The following TICRR variants were observed in gnomAD, a reference collection of about 807,000 sequenced individuals.
TICRR encodes the protein TOPBP1 interacting checkpoint and replication regulator.
TICRR carries 132 observed loss-of-function variants against 178.1 expected under a neutral mutation model. That is an observed-to-expected ratio of 0.74 (90% CI 0.64 to 0.86). The LOEUF is 0.86. Ranked by LOEUF, TICRR falls within the 40% of genes least tolerant of loss-of-function variation. The probability of loss-of-function intolerance (pLI) is 0.00; values close to 1 mark genes in which losing one functional copy is unlikely to be tolerated. For synonymous variants in TICRR, 991 were observed against 900.7 expected (o/e 1.10, Z -1.79); for missense variants, 2,587 against 2,334.3 (o/e 1.11, Z -2.23).
chr15:89,611,723 C>A (rs7172694), intron 15 of TICRR, among the ~76,000 whole-genome samples: 123,781 of 151,892 alleles, frequency 0.81, 51,376 homozygotes, highest in Non-Finnish European at 0.91. Context: ...CTTATCTTCA[C>A]GTTCACTGAT....
Position 89,624,218 on chromosome 15 carries a change from C to T in TICRR, c.3908C>T (p.Ser1303Phe), listed in dbSNP as rs746043101. ...CCAGGGAATTCAACTGTGACTTCTT[C>T]CCCACCTGTTACGCCAAAGAAACTG... ...KRPGNSTVTS[S>F]PPVTPKKLFT... The change falls in exon 20 of 22, where the codon TCC (serine) becomes TTC (phenylalanine). Residue 1303 changes from serine to phenylalanine, a missense_variant. Transcript: ENST00000268138. The T allele has an allele frequency of 6.2e-7, 1 of 1,614,184 alleles. No individual in the cohort carries two copies. The highest frequency in any genetic ancestry group is 1.1e-5 in the South Asian group (1 of 91,086).
intron 17 of TICRR, 132 bp downstream of exon 17, chr15:89,618,342 C>A (rs1963368689): frequency 3.8e-6 from 3 of 787,524 alleles, no homozygotes; most frequent in Middle Eastern, 2.4e-4. Flanking sequence ...CACAATGCAG[C>A]TCAGTAAATA....
intron 15 of TICRR, among the ~76,000 whole-genome samples, chr15:89,612,804 GAT>G (rs1963274707): frequency 6.6e-6 from 1 of 152,064 alleles, no homozygotes; most frequent in South Asian, 2.1e-4. Context: ...AGTTCTCATT[GAT>G]ACCAATTTAA....
intron 1 of TICRR, among the ~76,000 whole-genome samples, chr15:89,580,818 A>G (rs976194327): frequency 6.6e-6 from 1 of 152,144 alleles, no homozygotes; most frequent in African/African-American, 2.4e-5. Flanking sequence ...GATCTCTTGC[A>G]CCCAGGAGTT....
intron 15 of TICRR, among the ~76,000 whole-genome samples, chr15:89,611,536 A>G (rs1030537855): frequency 6.6e-6 from 1 of 152,102 alleles, no homozygotes; most frequent in East Asian, 1.9e-4. Context: ...GATTTTTGGA[A>G]GGTTTTAACC....
intron 8 of TICRR, among the ~76,000 whole-genome samples, chr15:89,599,870 G>T (rs1398589991): frequency 1.3e-5 from 2 of 152,170 alleles, no homozygotes; most frequent in Non-Finnish European, 2.9e-5. Flanking sequence ...CACTTTGGGA[G>T]GCCAGGGTGG....
intron 19 of TICRR, among the ~76,000 whole-genome samples, chr15:89,622,469 C>T (rs902368200): frequency 6.6e-6 from 1 of 152,216 alleles, no homozygotes; most frequent in Non-Finnish European, 1.5e-5. Flanking sequence ...TTGCTTAAAG[C>T]TCTATAGACT....
chr15:89,610,507 C>A (rs1241497034), intron 15 of TICRR, among the ~76,000 whole-genome samples: 2 of 152,170 alleles, frequency 1.3e-5, no homozygotes. Flanking sequence ...TTTTGTCTGA[C>A]AATAATACAG....
Position 89,608,827 on chromosome 15 carries a change from T to A in TICRR, c.2747T>A (p.Leu916His). 6.2e-7 allele frequency: 1 copy of A among 1,602,082 alleles called. No individual in the cohort carries two copies. ...VQEVTKVRRNLFNQELLSPSK... is the reference protein window; with the variant it reads ...VQEVTKVRRNHFNQELLSPSK... ...GAAGTGACCAAAGTTCGAAGAAATC[T>A]TTTCAACCAGGAATTGCTTTCCCCT... The change falls in exon 15 of 22, where the codon CTT becomes CAT. Residue 916 changes from leucine to histidine, a missense_variant. Transcript: ENST00000268138.
In TICRR at chr15:89,577,783, G is replaced by C. The variant is rs1023439020; in HGVS notation, c.654+1543G>C. On this transcript the variant is annotated intron_variant, in intron 1 of 21. Coordinates refer to ENST00000268138, the MANE Select transcript of TICRR (RefSeq NM_152259.4). ...GCCACCAGGCCTGGCTAATTTTTTT[G>C]TATTTTTAGTAGAGACGGAGTTTCA... Among the ~76,000 whole-genome samples, 4 of 151,486 alleles carry C rather than the reference G, an allele frequency of 2.6e-5. No homozygotes were observed. In the South Asian group the frequency reaches 8.4e-4, roughly 32 times the overall value.
intron 17 of TICRR, among the ~76,000 whole-genome samples, chr15:89,619,479 G>GA (rs1399489124): frequency 6.6e-6 from 1 of 152,108 alleles, no homozygotes; most frequent in African/African-American, 2.4e-5. Context: ...TAAGACTTCT[G>GA]AAGGTAATAG....
chr15:89,622,046 G>T (rs1316239513), intron 19 of TICRR, among the ~76,000 whole-genome samples: 3 of 145,672 alleles, frequency 2.1e-5, no homozygotes, highest in Non-Finnish European at 4.5e-5. Flanking sequence ...GAGTGCAGTG[G>T]CACGATCTCA....
intron 9 of TICRR, 82 bp downstream of exon 9, chr15:89,600,767 T>G: frequency 1.5e-6 from 1 of 653,316 alleles, no homozygotes; most frequent in East Asian, 3.0e-5. Flanking sequence ...AGATTGTTCG[T>G]GACATGGTGG....
At position 89,600,517 on chromosome 15, in the gene TICRR, A is replaced by C. The variant is rs1001203704; in HGVS notation, c.2053-68A>C. On this transcript the variant is annotated intron_variant, in intron 8 of 21. Coordinates refer to ENST00000268138, the MANE Select transcript of TICRR (RefSeq NM_152259.4). ...AAGGGAATATATTTCCCTTTAGTCA[A>C]CTGTGAAAGAAATTAGAAATAATGA... The C allele has an allele frequency of 1.2e-5, 8 of 675,782 alleles. No individual in the cohort carries two copies. In the African/African-American group the frequency reaches 1.3e-4, roughly 11 times the overall value. 41.9% of individuals were successfully genotyped at this position (675,782 alleles called of 1,614,324 possible).
Position 89,584,483 on chromosome 15 carries a change from T to C in TICRR, c.1132T>C (p.Phe378Leu). ...EESTATQRLL[F>L]QQLVSRLTAE... ...GAGCACAGCAACTCAAAGGCTGTTA[T>C]TTCAGCAGTTGGTAAGCAGGCTGAC... Residue 378 changes from phenylalanine to leucine, a missense_variant, in exon 3 of 22, where the codon TTT (phenylalanine) becomes CTT (leucine). Physicochemically the swap from Phe to Leu is conservative, Grantham distance 22 (BLOSUM62 0). Transcript: ENST00000268138. 1 of 1,601,038 alleles carries C rather than the reference T, an allele frequency of 6.2e-7. No homozygotes were observed. Among genetic ancestry groups the C allele is most frequent in the Non-Finnish European group, 8.5e-7 (1 of 1,172,368 alleles).
rs72437618 is a variant in TICRR at position 89,622,314 on chromosome 15, CTT to C, written c.3312+765_3312+766del. Among the ~76,000 whole-genome samples, 981 of 152,242 alleles carry C rather than the reference CTT, an allele frequency of 6.4e-3. 17 individuals are homozygous for C. The highest frequency in any genetic ancestry group is 0.022 in the African/African-American group (927 of 41,534). ...AAACTGACTCTTGTACCCACCCCCTCTTCTCCCCTACTGCAATTCCTACCCTA... is the reference window on the plus strand; with the variant it reads ...AAACTGACTCTTGTACCCACCCCCTCCTCCCCTACTGCAATTCCTACCCTA... On this transcript the variant is annotated intron_variant, in intron 19 of 21. Transcript: ENST00000268138.
intron 8 of TICRR, among the ~76,000 whole-genome samples, 175 bp downstream of exon 8, chr15:89,599,650 C>A (rs188524056): frequency 3.7e-4 from 57 of 152,222 alleles, no homozygotes; most frequent in Non-Finnish European, 1.2e-4. Flanking sequence ...ATATGGTGAA[C>A]TGGTAAGGCA....
chr15:89,624,337 C>T lies in TICRR; in HGVS notation c.4027C>T (p.Pro1343Ser), dbSNP rs377334134. The change falls in exon 20 of 22, where the codon CCC becomes TCC. Residue 1343 changes from proline (P) to serine (S), a missense_variant. Pro to Ser is a moderately conservative substitution (Grantham distance 74). Transcript: ENST00000268138. Reference sequence around the variant, plus strand: ...CCCAGGAGAACTGGATCAGAAAGAGCCCCAGATGTCACCCAGCGTAGCTGC... The same window carrying T: ...CCCAGGAGAACTGGATCAGAAAGAGTCCCAGATGTCACCCAGCGTAGCTGC... Reference protein sequence around the residue: ...PSPGELDQKEPQMSPSVAASL... With the variant: ...PSPGELDQKESQMSPSVAASL... 14 of 1,614,106 alleles carry T rather than the reference C, an allele frequency of 8.7e-6. No individual in the cohort carries two copies. The highest frequency in any genetic ancestry group is 1.1e-5 in the Non-Finnish European group (13 of 1,180,014).
At chr15:89,576,856 T>C (rs202135346) in intron 1 of TICRR, among the ~76,000 whole-genome samples, 36,051 of 114,880 alleles carry the variant, frequency 0.31, 5,518 homozygotes, top group South Asian at 0.43. Flanking sequence ...TATATATATA[T>C]ATATACACAC....
Sources: gnomAD v4.1 joint callset for allele counts (sites outside exome capture counted in the v4.1 genomes callset) on GRCh38, gnomAD v4.1.1 for gene constraint, MANE v1.5 for transcripts, NCBI Gene and HGNC (gene_info 2026-07-23, HGNC 2026-07-21) for gene names.